MLXIPL: variants seen among roughly 807,000 people sequenced by gnomAD.
MLXIPL encodes the protein MLX interacting protein like, also known as carbohydrate-responsive element-binding protein.
Under a neutral mutation model 81.5 loss-of-function variants are expected in MLXIPL, and 49 were observed. The ratio of observed to expected loss-of-function variants is 0.60; its 90% CI spans 0.48 to 0.76. The LOEUF (loss-of-function observed/expected upper bound fraction) is 0.76. Ranked by LOEUF, MLXIPL falls within the 30% of genes least tolerant of loss-of-function variation. The pLI is 0.00. For missense variants in MLXIPL, 1,053 were observed against 1,167.0 expected (o/e 0.90, Z 1.42); for synonymous variants, 466 against 485.5 (o/e 0.96, Z 0.53).
At chr7:73,602,541 G>T (rs1440806119) in intron 7 of MLXIPL, among the ~76,000 whole-genome samples, 2 of 151,930 alleles carry the variant, frequency 1.3e-5, no homozygotes, top group African/African-American at 4.8e-5. Flanking sequence ...TTAGTCAGGC[G>T]TGGTGGCGGG....
At chr7:73,600,674 G>A (rs1215843829) in intron 7 of MLXIPL, among the ~76,000 whole-genome samples, 1 of 117,844 alleles carries the variant, frequency 8.5e-6, no homozygotes, top group Non-Finnish European at 1.8e-5. Flanking sequence ...CTAAGGCTGG[G>A]CTCCGAAAGG....
the MLXIPL span, among the ~76,000 whole-genome samples, chr7:73,638,310 A>G: frequency 6.6e-6 from 1 of 152,006 alleles, no homozygotes; most frequent in Non-Finnish European, 1.5e-5. Flanking sequence ...CTTTATATTT[A>G]TTTTATTTTT....
At position 73,624,105 on chromosome 7, in the gene MLXIPL, G is replaced by A. The variant is rs1796558708; in HGVS notation, c.293+95C>T. The stretch of plus-strand genomic sequence containing the variant: ...GGGAGCCGCAGGACCGGGCTCGGGT[G>A]GGGTGTTGAGGGCCCCAGCGCGCAG... On this transcript the variant is annotated intron_variant, in intron 1 of 16. Coordinates refer to ENST00000313375, the MANE Select transcript of MLXIPL (RefSeq NM_032951.3). The A allele has an allele frequency of 4.2e-6, 6 of 1,425,000 alleles. No individual in the cohort carries two copies. In the South Asian group the frequency reaches 7.3e-5, roughly 17 times the overall value. The allele number at this position is 1,425,000 out of a possible 1,614,324, so 88.3% of individuals were successfully genotyped here.
chr7:73,599,516 G>A lies in MLXIPL; in HGVS notation c.1071+10C>T, dbSNP rs939362438. 4 of 1,612,230 alleles carry A rather than the reference G, an allele frequency of 2.5e-6. No individual in the cohort carries two copies. The highest frequency in any genetic ancestry group is 2.2e-5 in the East Asian group (1 of 44,798). The stretch of plus-strand genomic sequence containing the variant: ...GCTACACAGGGCTGGACGGGGTGGG[G>A]TGAGCTCACCTGCAGACGGCTGTGT... On this transcript the variant is annotated intron_variant, in intron 8 of 16. Coordinates refer to ENST00000313375, the MANE Select transcript of MLXIPL (RefSeq NM_032951.3).
In MLXIPL at chr7:73,624,493, G is replaced by A. The variant is rs782341137; in HGVS notation, c.-1C>T. 1.5e-5 allele frequency: 23 copies of A among 1,524,748 alleles called. No individual in the cohort carries two copies. The highest frequency in any genetic ancestry group is 1.9e-5 in the Non-Finnish European group (22 of 1,142,730). The allele number at this position is 1,524,748 out of a possible 1,614,324, so 94.5% of individuals were successfully genotyped here. A position where few individuals can be genotyped will look rare whatever the true frequency, so the allele number is the denominator to read the frequency against. ...CCAGACCTGCCAGCGCGCCGGCCATGGCTGTCGCCGCCGCAACCGCCTGGT... is the reference window on the plus strand; with the variant it reads ...CCAGACCTGCCAGCGCGCCGGCCATAGCTGTCGCCGCCGCAACCGCCTGGT... On this transcript the variant is annotated 5_prime_UTR_variant, in exon 1 of 17. Coordinates refer to ENST00000313375, the MANE Select transcript of MLXIPL (RefSeq NM_032951.3).
At chr7:73,620,308 G>A (rs1796259664) in intron 1 of MLXIPL, among the ~76,000 whole-genome samples, 1 of 151,860 alleles carries the variant, frequency 6.6e-6, no homozygotes, top group Non-Finnish European at 1.5e-5. Flanking sequence ...GGAGGCTGAG[G>A]CAGGAGAATC....
chr7:73,595,976 A>G lies in MLXIPL; in HGVS notation c.2059-7T>C, dbSNP rs1554593591. 9 of 1,612,450 alleles carry G rather than the reference A, an allele frequency of 5.6e-6. No homozygotes were observed. The highest frequency in any genetic ancestry group is 7.6e-6 in the Non-Finnish European group (9 of 1,179,982). On this transcript the variant is annotated splice_polypyrimidine_tract_variant and splice_region_variant and intron_variant, in intron 13 of 16. Coordinates refer to ENST00000313375, the MANE Select transcript of MLXIPL (RefSeq NM_032951.3). ...GCGTGGTAGCTTTGCTCACCTGCAG[A>G]CGCCACCAGGGGGGCTCAGGCAGGT...
Position 73,602,098 on chromosome 7 carries a change from T to TCCTG in MLXIPL, c.902-2407_902-2404dup, listed in dbSNP as rs1207215774. 1.5e-3 allele frequency among the ~76,000 whole-genome samples: 152 copies of TCCTG among 104,086 alleles called. 9 individuals are homozygous for TCCTG. The highest frequency in any genetic ancestry group is 1.8e-3 in the Non-Finnish European group (90 of 49,578). The allele number at this position is 104,086 out of a possible 152,430, so 68.3% of individuals were successfully genotyped here. ...TGCCTGCCTGCCTGCCTGCCTGCCT[T>TCCTG]CCTGCCTGCCTGCCTGCCTGCCTGC... On this transcript the variant is annotated intron_variant, in intron 7 of 16. Coordinates refer to ENST00000313375, the MANE Select transcript of MLXIPL (RefSeq NM_032951.3).
rs781651551 is a variant in MLXIPL at position 73,593,388 on chromosome 7, G to A, written c.*477C>T. On this transcript the variant is annotated 3_prime_UTR_variant, in exon 17 of 17. Coordinates refer to ENST00000313375, the MANE Select transcript of MLXIPL (RefSeq NM_032951.3). ...GCCCCTCTGGGTCAGCAGTGAAGGA[G>A]CAGAGAGAGGGAACCTCCTTTTCTG... 1 of 245,228 alleles carries A rather than the reference G, an allele frequency of 4.1e-6. No homozygotes were observed. Among genetic ancestry groups the A allele is most frequent in the Non-Finnish European group, 8.1e-6 (1 of 122,904 alleles). The allele number at this position is 245,228 out of a possible 1,614,324, so 15.2% of individuals were successfully genotyped here.
chr7:73,597,539 G>C lies in MLXIPL; in HGVS notation c.1246C>G (p.Pro416Ala), dbSNP rs1794443032. Reference sequence around the variant, plus strand: ...AAAGCAGTGGGTGGTGCCATGGGAGGGAAGGGAGGTGGGGGGCAGGGCTCC... The same window carrying C: ...AAAGCAGTGGGTGGTGCCATGGGAGCGAAGGGAGGTGGGGGGCAGGGCTCC... ...GLEPCPPPPF[P>A]PMAPPTALLQ... The change falls in exon 9 of 17, where the codon CCT (proline) becomes GCT (alanine). Residue 416 changes from proline (P) to alanine (A), a missense_variant. Coordinates refer to ENST00000313375, the MANE Select transcript of MLXIPL (RefSeq NM_032951.3). 1.5e-6 allele frequency: 2 copies of C among 1,376,854 alleles called. No individual in the cohort carries two copies. The highest frequency in any genetic ancestry group is 1.9e-6 in the Non-Finnish European group (2 of 1,063,002). 85.3% of individuals were successfully genotyped at this position (1,376,854 alleles called of 1,614,324 possible). A position where few individuals can be genotyped will look rare whatever the true frequency, so the allele number is the denominator to read the frequency against.
At chr7:73,613,789 C>T (rs117864867) in intron 2 of MLXIPL, among the ~76,000 whole-genome samples, 1 of 152,160 alleles carries the variant, frequency 6.6e-6, no homozygotes. Context: ...AGCTGGAGAT[C>T]AGTGTGTCTG....
At chr7:73,595,221 G>A (rs919102287) in intron 15 of MLXIPL, among the ~76,000 whole-genome samples, 3 of 151,922 alleles carry the variant, frequency 2.0e-5, no homozygotes, top group Admixed American at 6.6e-5. Context: ...GCCCCTCCAC[G>A]GCCCTTACTG....
chr7:73,600,569 G>A, intron 7 of MLXIPL, among the ~76,000 whole-genome samples: 1 of 88,674 alleles, frequency 1.1e-5, no homozygotes, highest in East Asian at 3.8e-4. Context: ...TCCAAGTGGG[G>A]TGGGGGCAAG....
chr7:73,636,928 C>A, the MLXIPL span, among the ~76,000 whole-genome samples: 1 of 151,630 alleles, frequency 6.6e-6, no homozygotes, highest in South Asian at 2.1e-4. Context: ...GGCATGGTGG[C>A]GGATGCCTGT....
rs1584059409 is a variant in MLXIPL at position 73,593,631 on chromosome 7, G to A, written c.*234C>T. On this transcript the variant is annotated 3_prime_UTR_variant, in exon 17 of 17. Coordinates refer to ENST00000313375, the MANE Select transcript of MLXIPL (RefSeq NM_032951.3). The stretch of plus-strand genomic sequence containing the variant: ...ACACAGCGGTCCAAAGACAGCGGAC[G>A]AGTCACCCAAGGTCACGGTGCTGGA... The A allele has an allele frequency of 5.7e-6, 3 of 522,338 alleles. No homozygotes were observed. The highest frequency in any genetic ancestry group is 5.4e-4 in the Middle Eastern group (1 of 1,866). The allele number at this position is 522,338 out of a possible 1,614,324, so 32.4% of individuals were successfully genotyped here. A position where few individuals can be genotyped will look rare whatever the true frequency, so the allele number is the denominator to read the frequency against.
At chr7:73,624,744 C>CTTTG (rs1455728480), upstream of MLXIPL, among the ~76,000 whole-genome samples, 1 of 152,188 alleles carries the variant, frequency 6.6e-6, no homozygotes, top group Admixed American at 6.5e-5. Flanking sequence ...GCCGCCCCTA[C>CTTTG]TTTGCTCCAA....
chr7:73,644,509 C>T, the MLXIPL span, among the ~76,000 whole-genome samples: 16 of 152,264 alleles, frequency 1.1e-4, no homozygotes, highest in African/African-American at 2.9e-4. Context: ...TGTGCCTTGC[C>T]GGTTTTCTCA....
At chr7:73,616,341 C>T (rs1796008318) in intron 1 of MLXIPL, among the ~76,000 whole-genome samples, 164 bp from the exon 2 acceptor site, 1 of 152,192 alleles carries the variant, frequency 6.6e-6, no homozygotes, top group African/African-American at 2.4e-5. Context: ...TCCAGAGAGT[C>T]AGACCTTCAA....
chr7:73,602,500 G>A (rs568533757), intron 7 of MLXIPL, among the ~76,000 whole-genome samples: 135 of 147,236 alleles, frequency 9.2e-4, no homozygotes, highest in Admixed American at 2.6e-3. Context: ...GGGAAACCCC[G>A]TTTCTACTAA....
Sources: gnomAD v4.1 joint callset for allele counts (sites outside exome capture counted in the v4.1 genomes callset) on GRCh38, gnomAD v4.1.1 for gene constraint, MANE v1.5 for transcripts, NCBI Gene and HGNC (gene_info 2026-07-23, HGNC 2026-07-21) for gene names.